Variants in GRIP1 observed in about 807,000 individuals in gnomAD.
GRIP1 encodes glutamate receptor-interacting protein 1.
Under a neutral mutation model 129.9 loss-of-function variants are expected in GRIP1, and 45 were observed. The ratio of observed to expected loss-of-function variants is 0.35; its 90% CI spans 0.27 to 0.44. The LOEUF is 0.44. GRIP1 is among the 20% of genes least tolerant of loss of function. GRIP1 has a pLI of 1.00. For synonymous variants in GRIP1, 530 were observed against 520.8 expected (o/e 1.02, Z -0.24); for missense variants, 1,196 against 1,396.8 (o/e 0.86, Z 2.29).
chr12:66,594,067 CAAAAAAAAAA>C (rs10661389), intron 2 of GRIP1, among the ~76,000 whole-genome samples: 1 of 52,930 alleles, frequency 1.9e-5, no homozygotes, highest in Non-Finnish European at 3.1e-5. Context: ...GACTCCGTCT[CAAAAAAAAAA>C]AAAAAAAAAA....
intron 1 of GRIP1, among the ~76,000 whole-genome samples, chr12:66,669,166 A>G (rs552929822): frequency 1.5e-4 from 23 of 152,220 alleles, no homozygotes; most frequent in South Asian, 6.2e-4. Context: ...TAATCCCAGC[A>G]CTTTGGGAGG....
chr12:66,561,509 A>T (rs1471538542), intron 2 of GRIP1, among the ~76,000 whole-genome samples: 1 of 152,124 alleles, frequency 6.6e-6, no homozygotes, highest in Non-Finnish European at 1.5e-5. Context: ...TACTGACTTA[A>T]AGAAATAGAA....
At chr12:66,503,814 G>A (rs2060454911) in intron 7 of GRIP1, among the ~76,000 whole-genome samples, 1 of 152,098 alleles carries the variant, frequency 6.6e-6, no homozygotes, top group African/African-American at 2.4e-5. Flanking sequence ...AGAGAGACTG[G>A]GACTCTGCCA....
chr12:66,854,324 A>G (rs2039965651), intron 1 of GRIP1, among the ~76,000 whole-genome samples: 1 of 20,212 alleles, frequency 4.9e-5, no homozygotes, highest in African/African-American at 8.8e-5. Context: ...GACTGATTAC[A>G]AAGATGAGAA....
At chr12:67,064,169 C>CA (rs1312467785) in intron 1 of GRIP1, among the ~76,000 whole-genome samples, 1 of 152,134 alleles carries the variant, frequency 6.6e-6, no homozygotes. Flanking sequence ...ATCTACCTTG[C>CA]AAAAGCCTTG....
intron 1 of GRIP1, among the ~76,000 whole-genome samples, chr12:66,629,872 A>G (rs1243632087): frequency 6.6e-6 from 1 of 152,162 alleles, no homozygotes; most frequent in East Asian, 1.9e-4. Flanking sequence ...GCTTAATTTT[A>G]CCTTAAAAAG....
intron 14 of GRIP1, among the ~76,000 whole-genome samples, chr12:66,430,842 A>G (rs1352080109): frequency 6.6e-6 from 1 of 152,208 alleles, no homozygotes; most frequent in African/African-American, 2.4e-5. Flanking sequence ...TCACAATACC[A>G]ACCAGCAGGA....
At chr12:66,904,948 CA>C (rs963281031) in intron 1 of GRIP1, among the ~76,000 whole-genome samples, 5 of 151,482 alleles carry the variant, frequency 3.3e-5, no homozygotes, top group Non-Finnish European at 7.4e-5. Context: ...ATTGGTAAAG[CA>C]AAAGAGAGTT....
intron 1 of GRIP1, among the ~76,000 whole-genome samples, chr12:66,975,568 CA>C (rs1199509718): frequency 1.3e-5 from 2 of 152,024 alleles, no homozygotes; most frequent in Non-Finnish European, 2.9e-5. Context: ...GAAAATAGTA[CA>C]AAACCATCGT....
intron 24 of GRIP1, among the ~76,000 whole-genome samples, chr12:66,352,946 G>A (rs1439064053): frequency 3.3e-5 from 5 of 152,096 alleles, no homozygotes; most frequent in South Asian, 2.1e-4. Context: ...GTGACAGAGC[G>A]AGACTCTGTC....
chr12:66,396,548 A>G (rs1266257324), intron 16 of GRIP1, among the ~76,000 whole-genome samples: 1 of 152,184 alleles, frequency 6.6e-6, no homozygotes, highest in Non-Finnish European at 1.5e-5. Flanking sequence ...GCTTTAGGAT[A>G]GTCTGTTTCA....
At chr12:66,357,439 C>G (rs1159325355) in intron 23 of GRIP1, among the ~76,000 whole-genome samples, 2 of 152,192 alleles carry the variant, frequency 1.3e-5, no homozygotes, top group Non-Finnish European at 2.9e-5. Context: ...GGGGCAGGAA[C>G]AGTTCATAGG....
At chr12:66,542,928 AAAAC>A (rs1462537013) in intron 2 of GRIP1, among the ~76,000 whole-genome samples, 3 of 152,232 alleles carry the variant, frequency 2.0e-5, no homozygotes, top group African/African-American at 7.2e-5. Context: ...TTAAAATGCA[AAAAC>A]AAACTCGCTC....
intron 1 of GRIP1, among the ~76,000 whole-genome samples, chr12:66,753,074 A>G (rs1414679381): frequency 2.0e-5 from 3 of 151,960 alleles, no homozygotes; most frequent in African/African-American, 4.8e-5. Context: ...GCCCCTACCC[A>G]CCAATGCTGT....
chr12:66,686,441 G>A (rs184587364), intron 1 of GRIP1, among the ~76,000 whole-genome samples: 19 of 152,324 alleles, frequency 1.2e-4, no homozygotes, highest in African/African-American at 4.3e-4. Context: ...GCCTGTCAAG[G>A]ACATAATGTA....
At chr12:66,842,261 G>T (rs1415150118) in intron 1 of GRIP1, among the ~76,000 whole-genome samples, 1 of 151,666 alleles carries the variant, frequency 6.6e-6, no homozygotes. Context: ...AGATCTTATT[G>T]TTATGTATAA....
At chr12:67,043,759 AAC>A (rs1470365798) in intron 1 of GRIP1, among the ~76,000 whole-genome samples, 1 of 152,182 alleles carries the variant, frequency 6.6e-6, no homozygotes, top group Non-Finnish European at 1.5e-5. Flanking sequence ...TAAACTCACT[AAC>A]ACATTACTAT....
At chr12:66,877,425 G>T (rs2137176691) in intron 1 of GRIP1, among the ~76,000 whole-genome samples, 1 of 151,956 alleles carries the variant, frequency 6.6e-6, no homozygotes, top group South Asian at 2.1e-4. Context: ...GTCAGGAAAG[G>T]GTGTAACTGT....
intron 1 of GRIP1, among the ~76,000 whole-genome samples, chr12:67,048,152 A>G (rs2043283802): frequency 1.4e-5 from 2 of 147,596 alleles, no homozygotes; most frequent in Admixed American, 1.4e-4. Flanking sequence ...TATTTTGGGA[A>G]AAAAAAAAAA....
Sources: allele counts gnomAD v4.1 joint callset (sites outside exome capture counted in the v4.1 genomes callset), GRCh38; gene constraint gnomAD v4.1.1; transcripts MANE v1.5; gene names NCBI Gene and HGNC (gene_info 2026-07-23, HGNC 2026-07-21).